HACD2: variants seen among roughly 807,000 people sequenced by gnomAD.
The protein encoded by HACD2 is 3-hydroxyacyl-CoA dehydratase 2.
Under a neutral mutation model 31.0 loss-of-function variants are expected in HACD2, and 15 were observed. The ratio of observed to expected loss-of-function variants is 0.48; its 90% confidence interval spans 0.32 to 0.75. The LOEUF is 0.75. Among genes scored for constraint, HACD2 ranks in the 30% least tolerant of loss-of-function variants. HACD2 has a pLI of 0.03. For synonymous variants in HACD2, 115 were observed against 122.2 expected (o/e 0.94, Z 0.39); for missense variants, 283 against 313.0 (o/e 0.90, Z 0.72).
intron 3 of HACD2, among the ~76,000 whole-genome samples, chr3:123,563,287 TG>T (rs775705985): frequency 1.3e-5 from 2 of 152,180 alleles, no homozygotes; most frequent in Non-Finnish European, 2.9e-5. Flanking sequence ...GGAAGTTTAC[TG>T]GAAGAGACAC....
chr3:123,545,494 T>TAAATAAAC lies in HACD2; in HGVS notation c.293-17021_293-17020insGTTTATTT, dbSNP rs1219229173. On this transcript the variant is annotated intron_variant, in intron 3 of 6. Coordinates refer to ENST00000383657, the MANE Select transcript of HACD2 (RefSeq NM_198402.5). ...GAGACTTAGTCTCAGTAAAAATAAA[T>TAAATAAAC]AAATAAATAAATAAATAAATAAATA... 2.8e-3 allele frequency among the ~76,000 whole-genome samples: 254 copies of TAAATAAAC among 91,316 alleles called. 2 individuals are homozygous for TAAATAAAC. Among genetic ancestry groups the TAAATAAAC allele is most frequent in the African/African-American group, 9.7e-3 (246 of 25,320 alleles). 59.9% of individuals were successfully genotyped at this position (91,316 alleles called of 152,430 possible).
In HACD2 at chr3:123,502,612, A is replaced by G. The variant is rs2055916630; in HGVS notation, c.451T>C (p.Phe151Leu). 1 of 1,609,986 alleles carries G rather than the reference A, an allele frequency of 6.2e-7. No individual in the cohort carries two copies. The highest frequency in any genetic ancestry group is 1.3e-5 in the African/African-American group (1 of 74,906). Reference protein sequence around the residue: ...WTITEIIRYSFYTFSLLNHLP... With the variant: ...WTITEIIRYSLYTFSLLNHLP... ...TGGTTTAATAGACTGAATGTATAAA[A>G]GGAGTAACGGATGATTTCCGTGATC... Residue 151 changes from phenylalanine to leucine, a missense_variant, in exon 5 of 7, where the codon TTT becomes CTT. Transcript: ENST00000383657.
chr3:123,521,887 T>A, intron 4 of HACD2, among the ~76,000 whole-genome samples: 1 of 152,100 alleles, frequency 6.6e-6, no homozygotes, highest in Admixed American at 6.6e-5. Flanking sequence ...CTTTTACATG[T>A]AACTAACTAA....
At chr3:123,569,984 A>T (rs1468950864) in intron 2 of HACD2, among the ~76,000 whole-genome samples, 1 of 113,836 alleles carries the variant, frequency 8.8e-6, no homozygotes, top group Non-Finnish European at 1.7e-5. Flanking sequence ...GCAACACTCC[A>T]TCTCAAAAAA....
At chr3:123,521,392 G>A (rs913164322) in intron 4 of HACD2, among the ~76,000 whole-genome samples, 3 of 152,070 alleles carry the variant, frequency 2.0e-5, no homozygotes, top group Non-Finnish European at 4.4e-5. Context: ...GCTAGGGCAG[G>A]GACAGCTCTG....
At chr3:123,557,441 CA>C (rs1467522446) in intron 3 of HACD2, among the ~76,000 whole-genome samples, 17 of 152,158 alleles carry the variant, frequency 1.1e-4, no homozygotes, top group African/African-American at 3.6e-4. Context: ...AGGCCAAGAC[CA>C]GCTTGAGAAA....
rs1260373468 is a variant in HACD2 at position 123,582,293 on chromosome 3, G to C, written c.192C>G (p.Tyr64Ter). Residue 64 changes from tyrosine (Y) to a stop codon, truncating the protein, a stop_gained, in exon 2 of 7, where the codon TAC becomes TAG. Transcript: ENST00000383657. LOFTEE classifies it high-confidence loss of function. Reference sequence around the variant, plus strand: ...GGCTATGGTAGCTACCCTTAGCCAGGTATGCTCGGACCAGACCAACCGCTA... The same window carrying C: ...GGCTATGGTAGCTACCCTTAGCCAGCTATGCTCGGACCAGACCAACCGCTA... The part of the protein sequence containing the change: ...LVIAVGLVRA[Y>*]LAKGSYHSLY... 1.2e-6 allele frequency: 2 copies of C among 1,608,702 alleles called. No homozygotes were observed. Among genetic ancestry groups the C allele is most frequent in the Non-Finnish European group, 1.7e-6 (2 of 1,177,356 alleles).
At chr3:123,540,702 C>A (rs183588241) in intron 3 of HACD2, among the ~76,000 whole-genome samples, 1 of 152,136 alleles carries the variant, frequency 6.6e-6, no homozygotes, top group Admixed American at 6.5e-5. Context: ...TTAATTAGAG[C>A]CTTGAAATAT....
At chr3:123,584,776 T>G in intron 1 of HACD2, 97 bp downstream of exon 1, 1 of 1,018,418 alleles carries the variant, frequency 9.8e-7, no homozygotes, top group Non-Finnish European at 1.3e-6. Flanking sequence ...ATGCACTGCC[T>G]GCGGCGGGCC....
chr3:123,554,394 G>A (rs1237292105), intron 3 of HACD2, among the ~76,000 whole-genome samples: 3 of 152,078 alleles, frequency 2.0e-5, no homozygotes, highest in Non-Finnish European at 4.4e-5. Flanking sequence ...CCAGCTGCTT[G>A]AGAGGCTGAG....
chr3:123,544,100 C>T (rs2306723), intron 3 of HACD2, among the ~76,000 whole-genome samples: 5,786 of 152,250 alleles, frequency 0.038, 706 homozygotes, highest in East Asian at 0.35. Context: ...CTTTCCCATC[C>T]TGTACTAATA....
At chr3:123,547,025 A>AT in intron 3 of HACD2, among the ~76,000 whole-genome samples, 1 of 152,304 alleles carries the variant, frequency 6.6e-6, no homozygotes, top group East Asian at 1.9e-4. Flanking sequence ...TTCTCTTACA[A>AT]TTTTGACATG....
intron 2 of HACD2, among the ~76,000 whole-genome samples, 186 bp from the exon 3 acceptor site, chr3:123,567,966 A>G (rs78366111): frequency 0.015 from 2,335 of 152,298 alleles, 56 homozygotes; most frequent in African/African-American, 0.052. Context: ...ATTCTTGTTC[A>G]GTTTTGTTTG....
chr3:123,568,420 G>A (rs1045894341), intron 2 of HACD2, among the ~76,000 whole-genome samples: 6 of 152,146 alleles, frequency 3.9e-5, no homozygotes, highest in Non-Finnish European at 8.8e-5. Flanking sequence ...CTTCCATTCC[G>A]CCCGTTATCC....
rs779322601 is a variant in HACD2, at chr3:123,585,045, C to A, written c.-18G>T. 1.6e-5 allele frequency: 24 copies of A among 1,463,604 alleles called. 1 individual carries two copies. In the South Asian group the frequency reaches 2.2e-4, roughly 13 times the overall value. The allele number at this position is 1,463,604 out of a possible 1,614,324, so 90.7% of individuals were successfully genotyped here. A position where few individuals can be genotyped will look rare whatever the true frequency, so the allele number is the denominator to read the frequency against. On this transcript the variant is annotated 5_prime_UTR_variant, in exon 1 of 7. Coordinates refer to ENST00000383657, the MANE Select transcript of HACD2 (RefSeq NM_198402.5). Reference sequence around the variant, plus strand: ...GCCGCCATGTCAAGTGCCCGAAGCCCGCTCTCCTAGCGCGAGCGGCTCGGG... The same window carrying A: ...GCCGCCATGTCAAGTGCCCGAAGCCAGCTCTCCTAGCGCGAGCGGCTCGGG...
intron 2 of HACD2, among the ~76,000 whole-genome samples, chr3:123,580,195 A>G (rs2056950972): frequency 6.6e-6 from 1 of 151,968 alleles, no homozygotes; most frequent in Non-Finnish European, 1.5e-5. Context: ...AGAAAGAAAG[A>G]AAAAAAGAAA....
At chr3:123,505,124 C>A (rs1317476707) in intron 4 of HACD2, among the ~76,000 whole-genome samples, 1 of 152,124 alleles carries the variant, frequency 6.6e-6, no homozygotes, top group Non-Finnish European at 1.5e-5. Flanking sequence ...CATAGATGAA[C>A]CTTGAAGACA....
intron 3 of HACD2, among the ~76,000 whole-genome samples, chr3:123,566,211 A>AG: frequency 6.6e-6 from 1 of 152,292 alleles, no homozygotes; most frequent in South Asian, 2.1e-4. Context: ...ACATCATTTG[A>AG]GGGGGTCCCT....
chr3:123,508,240 G>C (rs1485849189), intron 4 of HACD2, among the ~76,000 whole-genome samples: 1 of 152,152 alleles, frequency 6.6e-6, no homozygotes, highest in Non-Finnish European at 1.5e-5. Flanking sequence ...AAGCCCTTCC[G>C]GTTAGGGAAT....
Sources: allele counts gnomAD v4.1 joint callset (sites outside exome capture counted in the v4.1 genomes callset), GRCh38; gene constraint gnomAD v4.1.1; transcripts MANE v1.5; gene names NCBI Gene and HGNC (gene_info 2026-07-23, HGNC 2026-07-21).